Variants in CLIC4 observed in about 807,000 individuals in gnomAD.
CLIC4 encodes the protein chloride intracellular channel protein 4.
Under a neutral mutation model 24.6 loss-of-function variants are expected in CLIC4, and 13 were observed. The ratio of observed to expected loss-of-function variants is 0.53; its 90% CI spans 0.34 to 0.84. CLIC4 has a LOEUF of 0.84. Ranked by LOEUF, CLIC4 falls within the 40% of genes least tolerant of loss-of-function variation. The pLI is 0.01. For synonymous variants in CLIC4, 104 were observed against 111.3 expected, an observed-to-expected ratio of 0.93 and a Z score of 0.41; for missense variants, 227 against 301.7, an observed-to-expected ratio of 0.75 and a Z score of 1.83.
chr1:24,805,720 A>G (rs1214748761), intron 2 of CLIC4, among the ~76,000 whole-genome samples: 1 of 152,176 alleles, frequency 6.6e-6, no homozygotes, highest in Non-Finnish European at 1.5e-5. Context: ...TTCTCTAGCT[A>G]TGCTGCACTC....
At chr1:24,832,054 G>A (rs1051211698) in intron 4 of CLIC4, among the ~76,000 whole-genome samples, 4 of 151,918 alleles carry the variant, frequency 2.6e-5, no homozygotes, top group Non-Finnish European at 5.9e-5. Context: ...GTGTTTCATC[G>A]TTTCCTGGAA....
At chr1:24,840,303 G>A (rs1571270606) in intron 5 of CLIC4, among the ~76,000 whole-genome samples, 1 of 152,270 alleles carries the variant, frequency 6.6e-6, no homozygotes, top group East Asian at 1.9e-4. Flanking sequence ...TTGAATTGGA[G>A]TTTGCCACAC....
At chr1:24,777,280 T>G (rs965513855) in intron 1 of CLIC4, among the ~76,000 whole-genome samples, 1 of 152,200 alleles carries the variant, frequency 6.6e-6, no homozygotes, top group Non-Finnish European at 1.5e-5. Flanking sequence ...GCACGGTGGC[T>G]CACGCCTATA....
chr1:24,745,669 C>T (rs781179799), intron 1 of CLIC4, 44 bp downstream of exon 1: 11 of 1,487,864 alleles, frequency 7.4e-6, no homozygotes, highest in East Asian at 2.8e-5. Context: ...TCCCCCGGCT[C>T]CCTCCCGGCT....
Position 24,759,849 on chromosome 1 carries a change from G to T in CLIC4, c.72+14224G>T, listed in dbSNP as rs180815909. Reference sequence around the variant, plus strand: ...CGTGCCTGTATTCCCAGTTGCTTGGGGGCTGAGGCAGGAGGATCACCTGAA... The same window carrying T: ...CGTGCCTGTATTCCCAGTTGCTTGGTGGCTGAGGCAGGAGGATCACCTGAA... On this transcript the variant is annotated intron_variant, in intron 1 of 5. Transcript: ENST00000374379. 1.2e-3 allele frequency among the ~76,000 whole-genome samples: 175 copies of T among 152,054 alleles called. 1 individual carries two copies. Among genetic ancestry groups the T allele is most frequent in the Middle Eastern group, 3.4e-3 (1 of 292 alleles).
At chr1:24,796,231 T>C (rs1639398607) in intron 1 of CLIC4, among the ~76,000 whole-genome samples, 1 of 151,982 alleles carries the variant, frequency 6.6e-6, no homozygotes, top group African/African-American at 2.4e-5. Context: ...GCTCCTTCGC[T>C]AGGCTGGAGT....
chr1:24,816,950 G>T (rs530542281), intron 3 of CLIC4, among the ~76,000 whole-genome samples: 1 of 152,114 alleles, frequency 6.6e-6, no homozygotes, highest in African/African-American at 2.4e-5. Flanking sequence ...AATTCTTAAG[G>T]GTTCTTCAAA....
rs370931111 is a variant in CLIC4 at position 24,787,942 on chromosome 1, G to A, written c.73-9800G>A. ...ATGATCTTGGCTCACTGCAACCTCC[G>A]CCTCCCAAGTTCAAGTGATTCTCCT... On this transcript the variant is annotated intron_variant, in intron 1 of 5. Transcript: ENST00000374379. Among the ~76,000 whole-genome samples, 64 of 150,366 alleles carry A rather than the reference G, an allele frequency of 4.3e-4. 3 individuals carry two copies. Among genetic ancestry groups the A allele is most frequent in the South Asian group, 3.3e-3 (16 of 4,784 alleles).
intron 3 of CLIC4, among the ~76,000 whole-genome samples, chr1:24,822,341 C>CTTTTTTTTT (rs71032865): frequency 2.7e-5 from 2 of 75,462 alleles, no homozygotes; most frequent in African/African-American, 4.6e-5. Context: ...TCAGTGAATT[C>CTTTTTTTTT]TTTTTTTTTT....
chr1:24,815,503 A>C (rs900647935), intron 3 of CLIC4, among the ~76,000 whole-genome samples: 1 of 150,486 alleles, frequency 6.6e-6, no homozygotes, highest in African/African-American at 2.5e-5. Context: ...ACTCCGTCTC[A>C]AAAAAAAATC....
Position 24,788,184 on chromosome 1 carries a change from C to T in CLIC4, c.73-9558C>T, listed in dbSNP as rs147314124. On this transcript the variant is annotated intron_variant, in intron 1 of 5. Transcript: ENST00000374379. ...GTATTTTTTAGTAGAAATGGGGTTT[C>T]GCTATATGTTGGCCAGGCTGATCTC... Among the ~76,000 whole-genome samples the T allele has an allele frequency of 5.7e-3, 866 of 151,890 alleles. 10 individuals are homozygous for T. The highest frequency in any genetic ancestry group is 0.02 in the African/African-American group (834 of 41,406).
intron 1 of CLIC4, among the ~76,000 whole-genome samples, chr1:24,746,431 G>T (rs1015401991): frequency 2.0e-5 from 3 of 152,188 alleles, no homozygotes; most frequent in Non-Finnish European, 4.4e-5. Context: ...CAGCTTTCAT[G>T]TGTGGAATTT....
chr1:24,791,314 G>T (rs1639331116), intron 1 of CLIC4, among the ~76,000 whole-genome samples: 2 of 152,170 alleles, frequency 1.3e-5, no homozygotes, highest in South Asian at 2.1e-4. Context: ...CCCTCAGTCA[G>T]CTGTAGCAAT....
Position 24,802,697 on chromosome 1 carries a change from CCTTTTTTCTTTTT to C in CLIC4, c.182+4854_182+4866del, listed in dbSNP as rs1639504210. 2.6e-5 allele frequency among the ~76,000 whole-genome samples: 4 copies of C among 151,234 alleles called. 1 individual carries two copies. Among genetic ancestry groups the C allele is most frequent in the Admixed American group, 2.6e-4 (4 of 15,192 alleles). ...TGGTCTTTATTCTTCCAAATCTTTT[CCTTTTTTCTTTTT>C]CTTTTTTTTTTTTTTTTGAGACACG... On this transcript the variant is annotated intron_variant, in intron 2 of 5. Coordinates refer to ENST00000374379, the MANE Select transcript of CLIC4 (RefSeq NM_013943.3).
chr1:24,787,283 A>G (rs1386938857), intron 1 of CLIC4, among the ~76,000 whole-genome samples: 1 of 152,066 alleles, frequency 6.6e-6, no homozygotes, highest in African/African-American at 2.4e-5. Flanking sequence ...TCACAAGGTC[A>G]GGAGTTTGAG....
At chr1:24,839,835 C>T in intron 4 of CLIC4, 25 bp from the exon 5 acceptor site, 2 of 1,597,342 alleles carry the variant, frequency 1.3e-6, no homozygotes, top group South Asian at 1.1e-5. Context: ...TTACAGTATT[C>T]TCATCTCTTT....
At position 24,835,525 on chromosome 1, in the gene CLIC4, T is replaced by C. The variant is rs7517416; in HGVS notation, c.416-4335T>C. Among the ~76,000 whole-genome samples, 1,078 of 152,272 alleles carry C rather than the reference T, an allele frequency of 7.1e-3. 13 individuals carry two copies. The highest frequency in any genetic ancestry group is 0.025 in the African/African-American group (1,031 of 41,548). ...TTGCAGCGAGCTGAGATTGCACCAC[T>C]GCACTCCAGCCTGGGCGACAGAGTG... On this transcript the variant is annotated intron_variant, in intron 4 of 5. Coordinates refer to ENST00000374379, the MANE Select transcript of CLIC4 (RefSeq NM_013943.3).
chr1:24,759,675 A>G (rs1046101457), intron 1 of CLIC4, among the ~76,000 whole-genome samples: 1 of 152,184 alleles, frequency 6.6e-6, no homozygotes, highest in African/African-American at 2.4e-5. Flanking sequence ...TTGACCAGGC[A>G]TGGTGACTCA....
At chr1:24,797,312 G>A (rs1213851027) in intron 1 of CLIC4, among the ~76,000 whole-genome samples, 4 of 151,520 alleles carry the variant, frequency 2.6e-5, no homozygotes, top group Non-Finnish European at 5.9e-5. Flanking sequence ...AGTGGCTCAT[G>A]CCTGTAATCC....
Sources: allele counts gnomAD v4.1 joint callset (sites outside exome capture counted in the v4.1 genomes callset), GRCh38; gene constraint gnomAD v4.1.1; transcripts MANE v1.5; gene names NCBI Gene and HGNC (gene_info 2026-07-23, HGNC 2026-07-21).